AHCYL2: variants seen among roughly 807,000 people sequenced by gnomAD.
The protein encoded by AHCYL2 is adenosylhomocysteinase like 2.
A neutral mutation model predicts 81.4 loss-of-function variants in AHCYL2; 28 were observed. The observed-to-expected ratio is 0.34, with a 90% CI of 0.25 to 0.47. The LOEUF is 0.47. AHCYL2 is among the 20% of genes least tolerant of loss of function. The pLI, the probability that AHCYL2 is intolerant of heterozygous loss-of-function variation, is 1.00. For synonymous variants in AHCYL2, 272 were observed against 290.2 expected, an observed-to-expected ratio of 0.94 and a Z score of 0.64; for missense variants, 551 against 785.1, an observed-to-expected ratio of 0.70 and a Z score of 3.56.
At chr7:129,383,950 G>T (rs1795085089) in intron 2 of AHCYL2, among the ~76,000 whole-genome samples, 1 of 152,120 alleles carries the variant, frequency 6.6e-6, no homozygotes, top group South Asian at 2.1e-4. Context: ...ACAACAATGT[G>T]TTGTATTCTA....
intron 1 of AHCYL2, among the ~76,000 whole-genome samples, chr7:129,313,760 A>T (rs573644884): frequency 4.1e-4 from 62 of 152,384 alleles, no homozygotes; most frequent in Non-Finnish European, 6.5e-4. Flanking sequence ...TTGTCATAAA[A>T]GTTAAGATAC....
At chr7:129,264,727 G>C (rs1244981694) in intron 1 of AHCYL2, among the ~76,000 whole-genome samples, 1 of 152,186 alleles carries the variant, frequency 6.6e-6, no homozygotes, top group Non-Finnish European at 1.5e-5. Context: ...CAAGGAACTC[G>C]AAGGCTAAGG....
In AHCYL2 at chr7:129,400,277, CT is replaced by C. The variant is rs1584883717; in HGVS notation, c.824-6del. ...GGTCTTTAATGGTTTCCCTTTGTTC[CT>C]TTTTTTCCCAGGATTTCCTGTTTTT... On this transcript the variant is annotated splice_polypyrimidine_tract_variant and intron_variant, in intron 5 of 16. Coordinates refer to ENST00000325006, the MANE Select transcript of AHCYL2 (RefSeq NM_015328.4). 14 of 1,611,222 alleles carry C rather than the reference CT, an allele frequency of 8.7e-6. No individual in the cohort carries two copies. Among genetic ancestry groups the C allele is most frequent in the Middle Eastern group, 1.7e-4 (1 of 6,046 alleles).
At chr7:129,295,958 G>A (rs1183788391) in intron 1 of AHCYL2, among the ~76,000 whole-genome samples, 5 of 152,152 alleles carry the variant, frequency 3.3e-5, no homozygotes, top group Admixed American at 6.5e-5. Flanking sequence ...GCTTCTCTGC[G>A]TTTATACTGT....
intron 1 of AHCYL2, among the ~76,000 whole-genome samples, chr7:129,279,244 GT>G (rs796201644): frequency 7.5e-4 from 108 of 143,160 alleles, no homozygotes; most frequent in East Asian, 3.8e-3. Context: ...GTGTTTGGTA[GT>G]TTTTTTTTTT....
intron 1 of AHCYL2, among the ~76,000 whole-genome samples, chr7:129,338,467 T>G (rs1411200931): frequency 6.6e-6 from 1 of 152,184 alleles, no homozygotes; most frequent in Non-Finnish European, 1.5e-5. Flanking sequence ...CCTTATAAAT[T>G]TTGATAGATA....
At chr7:129,309,114 C>T (rs1797548249) in intron 1 of AHCYL2, among the ~76,000 whole-genome samples, 1 of 152,108 alleles carries the variant, frequency 6.6e-6, no homozygotes, top group African/African-American at 2.4e-5. Flanking sequence ...CACCTGTAAT[C>T]CCAGCTACTT....
chr7:129,416,520 G>A (rs950211163), intron 12 of AHCYL2, among the ~76,000 whole-genome samples: 3 of 152,072 alleles, frequency 2.0e-5, no homozygotes, highest in African/African-American at 4.8e-5. Context: ...ATGATGAGCC[G>A]GGCCCAGTGG....
chr7:129,367,155 A>G (rs1400612850), intron 1 of AHCYL2, among the ~76,000 whole-genome samples: 1 of 152,140 alleles, frequency 6.6e-6, no homozygotes, highest in African/African-American at 2.4e-5. Context: ...TTCCAGCTTG[A>G]CTTTTCCCTT....
chr7:129,268,457 C>G (rs1795893411), intron 1 of AHCYL2, among the ~76,000 whole-genome samples: 1 of 152,174 alleles, frequency 6.6e-6, no homozygotes, highest in South Asian at 2.1e-4. Context: ...AAGTGATTCT[C>G]CTGCCTCAGC....
intron 2 of AHCYL2, among the ~76,000 whole-genome samples, chr7:129,384,163 AC>A (rs1795094852): frequency 6.6e-6 from 1 of 151,380 alleles, no homozygotes; most frequent in Non-Finnish European, 1.5e-5. Flanking sequence ...ACAGAACTCC[AC>A]CCAACATTCT....
At chr7:129,248,365 C>A (rs1795131085) in intron 1 of AHCYL2, among the ~76,000 whole-genome samples, 1 of 152,172 alleles carries the variant, frequency 6.6e-6, no homozygotes, top group South Asian at 2.1e-4. Flanking sequence ...TTGCATATAA[C>A]CTGTGCATAT....
intron 1 of AHCYL2, among the ~76,000 whole-genome samples, chr7:129,246,884 A>G (rs887683287): frequency 6.6e-6 from 1 of 152,154 alleles, no homozygotes; most frequent in Non-Finnish European, 1.5e-5. Context: ...AGGTTCATTC[A>G]TGTAGTAGGT....
intron 1 of AHCYL2, among the ~76,000 whole-genome samples, chr7:129,295,103 T>C (rs1797008218): frequency 6.6e-6 from 1 of 152,360 alleles, no homozygotes; most frequent in South Asian, 2.1e-4. Context: ...ATCACAGTCA[T>C]TTCTTGGAAG....
intron 1 of AHCYL2, among the ~76,000 whole-genome samples, chr7:129,245,582 T>TAC (rs1795024224): frequency 6.6e-6 from 1 of 151,838 alleles, no homozygotes; most frequent in Admixed American, 6.6e-5. Flanking sequence ...TCTAGGTACC[T>TAC]TATATAAGTA....
chr7:129,303,419 T>A (rs1178414499), intron 1 of AHCYL2, among the ~76,000 whole-genome samples: 1 of 152,214 alleles, frequency 6.6e-6, no homozygotes, highest in Non-Finnish European at 1.5e-5. Flanking sequence ...TATCCATTTC[T>A]TCTAGGTTTT....
intron 1 of AHCYL2, among the ~76,000 whole-genome samples, chr7:129,345,693 T>C (rs368158857): frequency 6.6e-6 from 1 of 151,024 alleles, no homozygotes; most frequent in Non-Finnish European, 1.5e-5. Flanking sequence ...AAAATGAAAC[T>C]GGGAAAGAGT....
chr7:129,267,517 C>G (rs763844192), intron 1 of AHCYL2, among the ~76,000 whole-genome samples: 1 of 151,990 alleles, frequency 6.6e-6, no homozygotes, highest in Non-Finnish European at 1.5e-5. Context: ...GTTGTCCAAG[C>G]TGGTCTCGAA....
chr7:129,252,647 A>G (rs1216782710), intron 1 of AHCYL2, among the ~76,000 whole-genome samples: 1 of 152,186 alleles, frequency 6.6e-6, no homozygotes, highest in African/African-American at 2.4e-5. Flanking sequence ...CATGCCTGTA[A>G]TCCCAGCCAC....
Sources: allele counts gnomAD v4.1 joint callset (sites outside exome capture counted in the v4.1 genomes callset), GRCh38; gene constraint gnomAD v4.1.1; transcripts MANE v1.5; gene names NCBI Gene and HGNC (gene_info 2026-07-23, HGNC 2026-07-21).